The following STAU1 variants were observed in gnomAD, a reference collection of about 807,000 sequenced individuals.
STAU1 encodes the protein staufen double-stranded RNA binding protein 1, also known as double-stranded RNA-binding protein Staufen homolog 1.
A neutral mutation model predicts 62.9 loss-of-function variants in STAU1; 13 were observed. That is an observed-to-expected ratio of 0.21 (90% CI 0.13 to 0.33). The LOEUF (loss-of-function observed/expected upper bound fraction) is 0.33. STAU1 is among the 10% of genes least tolerant of loss of function. The pLI is 1.00. For missense variants in STAU1, 571 were observed against 712.1 expected (o/e 0.80, Z 2.25); for synonymous variants, 269 against 265.1 (o/e 1.01, Z -0.14).
chr20:49,204,644 ATATTTTTTTTTTT>A, the STAU1 span, among the ~76,000 whole-genome samples: 53 of 41,420 alleles, frequency 1.3e-3, no homozygotes, highest in Non-Finnish European at 1.7e-3. Flanking sequence ...ATATATATAT[ATATTTTTTTTTTT>A]TTTTTTTTTT....
chr20:49,162,828 G>A (rs553353491), intron 3 of STAU1, among the ~76,000 whole-genome samples: 1 of 151,718 alleles, frequency 6.6e-6, no homozygotes, highest in South Asian at 2.1e-4. Flanking sequence ...GACAAAGGAG[G>A]AAACTGAAAG....
chr20:49,179,298 T>C (rs1426004045), intron 1 of STAU1: 1 of 152,010 alleles, frequency 6.6e-6, no homozygotes, highest in Non-Finnish European at 1.5e-5. Flanking sequence ...AAGTCCCTTA[T>C]GCAAAAGAAA....
chr20:49,195,282 A>T, the STAU1 span, among the ~76,000 whole-genome samples: 2 of 152,140 alleles, frequency 1.3e-5, no homozygotes, highest in African/African-American at 4.8e-5. Context: ...TCACGCCTGT[A>T]ATCCCAGCAC....
At chr20:49,148,292 A>T (rs1019485732) in intron 5 of STAU1, among the ~76,000 whole-genome samples, 1 of 152,248 alleles carries the variant, frequency 6.6e-6, no homozygotes, top group Non-Finnish European at 1.5e-5. Flanking sequence ...TGTCGCAGTC[A>T]AAACAGTTTA....
chr20:49,144,503 C>T (rs1039454331), intron 5 of STAU1, among the ~76,000 whole-genome samples: 2 of 152,196 alleles, frequency 1.3e-5, no homozygotes, highest in Non-Finnish European at 2.9e-5. Context: ...GACAATCTCA[C>T]CATCATCATT....
chr20:49,212,075 A>G, the STAU1 span, among the ~76,000 whole-genome samples: 1 of 151,364 alleles, frequency 6.6e-6, no homozygotes, highest in Admixed American at 6.6e-5. Context: ...TGCAGCTTCA[A>G]CCTCCCCAGA....
chr20:49,147,511 C>T (rs939952708), intron 5 of STAU1, among the ~76,000 whole-genome samples: 4 of 152,192 alleles, frequency 2.6e-5, no homozygotes, highest in African/African-American at 9.6e-5. Context: ...TGTGGACAGA[C>T]GGGCTGCTTA....
the STAU1 span, among the ~76,000 whole-genome samples, chr20:49,208,707 C>A: frequency 1.3e-5 from 2 of 151,214 alleles, no homozygotes; most frequent in African/African-American, 4.9e-5. Context: ...GCAAGCTCTG[C>A]CTCCTGGGTT....
intron 5 of STAU1, among the ~76,000 whole-genome samples, chr20:49,142,167 A>C (rs1032368920): frequency 6.6e-6 from 1 of 152,042 alleles, no homozygotes; most frequent in Non-Finnish European, 1.5e-5. Flanking sequence ...GCTCACTGCA[A>C]CCTCCGCCTC....
At chr20:49,122,401 A>G (rs1209854463) in intron 8 of STAU1, among the ~76,000 whole-genome samples, 1 of 152,200 alleles carries the variant, frequency 6.6e-6, no homozygotes, top group Non-Finnish European at 1.5e-5. Flanking sequence ...GTAATGAAGA[A>G]AAACTTCTCC....
Position 49,119,992 on chromosome 20 carries a change from G to C in STAU1, c.1103C>G (p.Ser368Ter). ...GCCCACAGCACTCACCTTCTCCTCT[G>C]ACTTGAGTGCGGGTTTGGTGGGCTG... ...QAQPTKPALK[S>*]EEKTPIKKPG... Residue 368 changes from serine to a stop codon, truncating the protein, a stop_gained, in exon 9 of 14, where the codon TCA (serine) becomes TGA (stop). Coordinates refer to ENST00000371856, the MANE Select transcript of STAU1 (RefSeq NM_017453.4). LOFTEE classifies it high-confidence loss of function. 6.2e-7 allele frequency: 1 copy of C among 1,614,068 alleles called. No individual in the cohort carries two copies. Among genetic ancestry groups the C allele is most frequent in the Non-Finnish European group, 8.5e-7 (1 of 1,179,950 alleles).
At position 49,118,411 on chromosome 20, in the gene STAU1, TAAAA is replaced by T. The variant is rs753372088; in HGVS notation, c.1114-7_1114-4del. On this transcript the variant is annotated splice_region_variant and splice_polypyrimidine_tract_variant and intron_variant, in intron 9 of 13. Transcript: ENST00000371856. Reference sequence around the variant, plus strand: ...TCCCCTGGTTTCTTTATGGGTGTCTTAAAAAAGAAGAAGAAAAAAAAAAGGCCAT... The same window carrying T: ...TCCCCTGGTTTCTTTATGGGTGTCTTAAGAAGAAGAAAAAAAAAAGGCCAT... 1.3e-6 allele frequency: 2 copies of T among 1,599,018 alleles called. No homozygotes were observed. The highest frequency in any genetic ancestry group is 2.7e-5 in the African/African-American group (2 of 73,476).
At chr20:49,127,776 G>T (rs899479170) in intron 6 of STAU1, among the ~76,000 whole-genome samples, 4 of 152,152 alleles carry the variant, frequency 2.6e-5, no homozygotes, top group African/African-American at 9.7e-5. Context: ...CTTTGAGAAG[G>T]CCAAGGCGGG....
At chr20:49,133,010 A>G (rs2145995351) in intron 6 of STAU1, among the ~76,000 whole-genome samples, 1 of 152,276 alleles carries the variant, frequency 6.6e-6, no homozygotes. Flanking sequence ...GCTAGTAAAA[A>G]ATTCCTGATA....
At chr20:49,214,021 G>A in the STAU1 span, among the ~76,000 whole-genome samples, 6 of 151,720 alleles carry the variant, frequency 4.0e-5, no homozygotes, top group East Asian at 1.9e-4. Context: ...GACCAGCCTC[G>A]CCAACATGGT....
intron 5 of STAU1, among the ~76,000 whole-genome samples, chr20:49,140,670 G>A (rs1307580117): frequency 6.6e-6 from 1 of 152,154 alleles, no homozygotes; most frequent in Non-Finnish European, 1.5e-5. Context: ...ACTCTTCAAT[G>A]AGTCCAGAAT....
upstream of STAU1, among the ~76,000 whole-genome samples, chr20:49,191,168 C>T (rs184844829): frequency 1.4e-3 from 220 of 152,092 alleles, no homozygotes; most frequent in African/African-American, 5.1e-3. Context: ...GCTGAGACTA[C>T]AGGCGCTTGC....
intron 1 of STAU1, among the ~76,000 whole-genome samples, chr20:49,179,812 A>C (rs2093702016): frequency 2.0e-5 from 3 of 152,228 alleles, no homozygotes; most frequent in African/African-American, 7.2e-5. Context: ...ATATAGTGAC[A>C]ATGTAAGCAG....
chr20:49,166,305 G>T lies in STAU1; in HGVS notation c.-84-20C>A. The T allele has an allele frequency of 2.0e-6, 2 of 1,025,464 alleles. No individual in the cohort carries two copies. Among genetic ancestry groups the T allele is most frequent in the South Asian group, 3.1e-5 (2 of 63,682 alleles). 63.5% of individuals were successfully genotyped at this position (1,025,464 alleles called of 1,614,324 possible). The stretch of plus-strand genomic sequence containing the variant: ...TTCTACCTAAAAGTTGTAAGGGAAA[G>T]AAAATAAAAAGGTAAATTATAGAGG... On this transcript the variant is annotated intron_variant, in intron 2 of 13. Transcript: ENST00000371856.
Sources: gnomAD v4.1 joint callset for allele counts (sites outside exome capture counted in the v4.1 genomes callset) on GRCh38, gnomAD v4.1.1 for gene constraint, MANE v1.5 for transcripts, NCBI Gene and HGNC (gene_info 2026-07-23, HGNC 2026-07-21) for gene names.